Variants in NAA35 observed in about 807,000 individuals in gnomAD.
NAA35 encodes the protein N-alpha-acetyltransferase 35, NatC auxiliary subunit.
Under a neutral mutation model 101.7 loss-of-function variants are expected in NAA35, and 18 were observed. The observed-to-expected ratio is 0.18, with a 90% CI of 0.12 to 0.26. The LOEUF (loss-of-function observed/expected upper bound fraction) is 0.26, where lower values mean the gene tolerates loss of function less well. Ranked by LOEUF, NAA35 falls within the 10% of genes least tolerant of loss-of-function variation. The probability of loss-of-function intolerance (pLI) is 1.00; values close to 1 mark genes in which losing one functional copy is unlikely to be tolerated. For synonymous variants in NAA35, 267 were observed against 273.1 expected (o/e 0.98, Z 0.22); for missense variants, 601 against 886.8 (o/e 0.68, Z 4.09).
chr9:85,966,560 CTTT>C, intron 6 of NAA35: 1 of 945,534 alleles, frequency 1.1e-6, no homozygotes, highest in Non-Finnish European at 1.4e-6. Context: ...TTCTTTCTTT[CTTT>C]TTTTTTTAAC....
intron 2 of NAA35, among the ~76,000 whole-genome samples, chr9:85,950,284 T>G (rs1564285361): frequency 6.6e-6 from 1 of 152,208 alleles, no homozygotes; most frequent in African/African-American, 2.4e-5. Context: ...TCGCTCTTTT[T>G]GCTCAGGCTG....
intron 6 of NAA35, among the ~76,000 whole-genome samples, chr9:85,973,353 T>G (rs1830074666): frequency 6.6e-6 from 1 of 152,230 alleles, no homozygotes; most frequent in African/African-American, 2.4e-5. Flanking sequence ...AGACAATCCT[T>G]CTGCCTTCTG....
chr9:86,003,036 G>A (rs1831483415), intron 12 of NAA35, among the ~76,000 whole-genome samples: 1 of 152,094 alleles, frequency 6.6e-6, no homozygotes, highest in Admixed American at 6.6e-5. Context: ...TGTTTTCACT[G>A]GGCCGAGGCT....
At chr9:86,016,737 A>G (rs1019694659) in intron 18 of NAA35, 62 bp downstream of exon 18, 3 of 1,523,818 alleles carry the variant, frequency 2.0e-6, no homozygotes, top group East Asian at 4.5e-5. Context: ...AGATAAATAG[A>G]TGGAGAGCTA....
chr9:85,957,219 T>A (rs1829315680), intron 3 of NAA35, among the ~76,000 whole-genome samples: 1 of 152,208 alleles, frequency 6.6e-6, no homozygotes, highest in Admixed American at 6.5e-5. Flanking sequence ...TATACTGTAT[T>A]CTTAGAATAA....
intron 11 of NAA35, among the ~76,000 whole-genome samples, chr9:85,981,872 GTC>G (rs1394312628): frequency 6.6e-6 from 1 of 152,086 alleles, no homozygotes; most frequent in African/African-American, 2.4e-5. Flanking sequence ...ATTAGTTTTG[GTC>G]TCTACTCATT....
At position 86,009,847 on chromosome 9, in the gene NAA35, G is replaced by A; in HGVS notation, c.1224-18G>A. ...TTTGGGCTGAATAGATTTTAATGAT[G>A]TGACTGTTATCTTGCAGGTGCTACC... On this transcript the variant is annotated intron_variant, in intron 14 of 22. Coordinates refer to ENST00000361671, the MANE Select transcript of NAA35 (RefSeq NM_024635.4). The A allele has an allele frequency of 6.3e-7, 1 of 1,595,066 alleles. No individual in the cohort carries two copies. Among genetic ancestry groups the A allele is most frequent in the Non-Finnish European group, 8.6e-7 (1 of 1,163,822 alleles).
rs2118085465 is a variant in NAA35 at position 85,980,224 on chromosome 9, A to G, written c.877+1843A>G. Among the ~76,000 whole-genome samples, 4 of 152,310 alleles carry G rather than the reference A, an allele frequency of 2.6e-5. 1 individual carries two copies. The South Asian group carries it at 8.3e-4, about 32-fold the overall frequency. On this transcript the variant is annotated intron_variant, in intron 11 of 22. Transcript: ENST00000361671. Reference sequence around the variant, plus strand: ...CCTAGGAACCTCCACATGTTCAGATATCTGGAAGCTCTCTGAACTGTGTCC... The same window carrying G: ...CCTAGGAACCTCCACATGTTCAGATGTCTGGAAGCTCTCTGAACTGTGTCC...
chr9:85,977,384 T>C lies in NAA35; in HGVS notation c.700T>C (p.Phe234Leu). The C allele has an allele frequency of 6.2e-7, 1 of 1,612,354 alleles. No homozygotes were observed. The highest frequency in any genetic ancestry group is 1.1e-5 in the South Asian group (1 of 91,052). Residue 234 changes from phenylalanine (F) to leucine (L), a missense_variant, in exon 10 of 23, where the codon TTC becomes CTC. Phe to Leu is a conservative substitution (Grantham distance 22). This residue lies in a region of NAA35 where 86 missense variants were observed against 169.4 expected (regional missense o/e 0.51). Transcript: ENST00000361671. Reference protein sequence around the residue: ...ELEHQQCLAVFSRVKFTRVLL... With the variant: ...ELEHQQCLAVLSRVKFTRVLL... ...TTAGCACCAACAATGTTTAGCAGTA[T>C]TCAGCAGAGTGAAATTTACTCGTGT...
intron 16 of NAA35, among the ~76,000 whole-genome samples, chr9:86,013,452 G>A (rs1004729211): frequency 3.3e-5 from 5 of 152,116 alleles, no homozygotes; most frequent in Non-Finnish European, 1.5e-5. Flanking sequence ...TTTGTGTGCA[G>A]CAGCAATATT....
rs1372799082 is a variant in NAA35 at position 85,977,432 on chromosome 9, T to A, written c.748T>A (p.Phe250Ile). ...TGTGTTACTGACAGTGCTTATAGCCTTTACTAAGAAAGAGGTAAGGGCATT... is the reference window on the plus strand; with the variant it reads ...TGTGTTACTGACAGTGCTTATAGCCATTACTAAGAAAGAGGTAAGGGCATT... ...TRVLLTVLIA[F>I]TKKETSAVAE... The change falls in exon 10 of 23, where the codon TTT (phenylalanine) becomes ATT (isoleucine). Residue 250 changes from phenylalanine to isoleucine, a missense_variant. By Grantham distance (21) the Phe-to-Ile change is conservative. Transcript: ENST00000361671. The A allele has an allele frequency of 6.2e-7, 1 of 1,606,292 alleles. No homozygotes were observed. The highest frequency in any genetic ancestry group is 8.5e-7 in the Non-Finnish European group (1 of 1,173,448).
intron 2 of NAA35, among the ~76,000 whole-genome samples, 186 bp downstream of exon 2, chr9:85,942,469 A>G (rs1828566757): frequency 6.6e-6 from 1 of 152,264 alleles, no homozygotes; most frequent in Non-Finnish European, 1.5e-5. Flanking sequence ...ACAGCATTAA[A>G]TACAGATGTT....
chr9:85,946,735 A>G (rs899303563), intron 2 of NAA35, among the ~76,000 whole-genome samples: 4 of 151,316 alleles, frequency 2.6e-5, no homozygotes, highest in Admixed American at 2.0e-4. Flanking sequence ...TGTGTGGCAT[A>G]AGACAATTAT....
intron 6 of NAA35, among the ~76,000 whole-genome samples, chr9:85,968,312 G>A (rs913317094): frequency 2.0e-5 from 3 of 152,152 alleles, no homozygotes; most frequent in African/African-American, 7.2e-5. Context: ...CCGGGTTCAC[G>A]CCATTCTCCT....
chr9:85,961,335 A>G (rs1380049583), intron 5 of NAA35, among the ~76,000 whole-genome samples: 1 of 152,196 alleles, frequency 6.6e-6, no homozygotes, highest in African/African-American at 2.4e-5. Flanking sequence ...GTTTCTTTAC[A>G]TATAAAAGGA....
At chr9:85,951,541 G>A (rs1263778518) in intron 2 of NAA35, among the ~76,000 whole-genome samples, 1 of 152,152 alleles carries the variant, frequency 6.6e-6, no homozygotes, top group Non-Finnish European at 1.5e-5. Flanking sequence ...AAAATTCATT[G>A]CTCTTTCTTG....
chr9:85,952,864 T>G (rs560645664), intron 2 of NAA35, among the ~76,000 whole-genome samples: 14 of 152,340 alleles, frequency 9.2e-5, no homozygotes, highest in Admixed American at 5.2e-4. Flanking sequence ...TTATCAAGGT[T>G]GTTTTTTTAT....
chr9:86,018,921 G>T, intron 21 of NAA35, 100 bp downstream of exon 21: 1 of 1,424,024 alleles, frequency 7.0e-7, no homozygotes, highest in South Asian at 1.4e-5. Context: ...CTTTAATAGT[G>T]TTAGTGAATA....
chr9:85,975,325 A>AT (rs1328293833), intron 8 of NAA35, among the ~76,000 whole-genome samples, 168 bp downstream of exon 8: 2 of 151,902 alleles, frequency 1.3e-5, no homozygotes, highest in Non-Finnish European at 2.9e-5. Context: ...AATTAATGTC[A>AT]TTTTCAAATT....
Sources: allele counts gnomAD v4.1 joint callset (sites outside exome capture counted in the v4.1 genomes callset), GRCh38; gene constraint gnomAD v4.1.1; regional missense constraint gnomAD v4.1.1; transcripts MANE v1.5; gene names NCBI Gene and HGNC (gene_info 2026-07-23, HGNC 2026-07-21).